The following CACNA2D1 variants were observed in gnomAD, a reference collection of about 807,000 sequenced individuals.
CACNA2D1 encodes the protein voltage-dependent calcium channel subunit alpha-2/delta-1.
A neutral mutation model predicts 171.5 loss-of-function variants in CACNA2D1; 53 were observed. That is an observed-to-expected ratio of 0.31 (90% CI 0.25 to 0.39). CACNA2D1 has a LOEUF of 0.39. CACNA2D1 is among the 10% of genes least tolerant of loss of function. The pLI is 1.00. For synonymous variants in CACNA2D1, 442 were observed against 443.1 expected (o/e 1.00, Z 0.03); for missense variants, 903 against 1,299.8 (o/e 0.69, Z 4.69).
At chr7:82,351,530 T>C (rs554700491) in intron 1 of CACNA2D1, among the ~76,000 whole-genome samples, 4 of 151,874 alleles carry the variant, frequency 2.6e-5, no homozygotes, top group Admixed American at 2.6e-4. Flanking sequence ...CTTTAGCACA[T>C]ATGAAAATAA....
chr7:82,349,415 A>G (rs1331167550), intron 2 of CACNA2D1, among the ~76,000 whole-genome samples, 153 bp downstream of exon 2: 1 of 152,192 alleles, frequency 6.6e-6, no homozygotes, highest in Non-Finnish European at 1.5e-5. Context: ...CACAGTAACT[A>G]GCAGTACCAA....
chr7:82,277,752 T>TTA (rs1234475948), intron 3 of CACNA2D1, among the ~76,000 whole-genome samples: 1 of 147,306 alleles, frequency 6.8e-6, no homozygotes, highest in East Asian at 2.0e-4. Context: ...TTACTTTTAT[T>TTA]TTTTTTTTTT....
intron 4 of CACNA2D1, among the ~76,000 whole-genome samples, chr7:82,154,769 T>C (rs1461900504): frequency 6.6e-6 from 1 of 152,150 alleles, no homozygotes; most frequent in Non-Finnish European, 1.5e-5. Flanking sequence ...CTAGTTGGTC[T>C]TTGTAGAGTC....
intron 4 of CACNA2D1, among the ~76,000 whole-genome samples, chr7:82,146,269 T>C (rs919446698): frequency 7.3e-5 from 11 of 151,168 alleles, no homozygotes. Context: ...ATTCATGACG[T>C]TCACTAAAAG....
chr7:82,115,527 A>G (rs1289140245), intron 6 of CACNA2D1, among the ~76,000 whole-genome samples: 1 of 151,642 alleles, frequency 6.6e-6, no homozygotes, highest in Non-Finnish European at 1.5e-5. Flanking sequence ...CTATATCTAT[A>G]CACACACACA....
intron 5 of CACNA2D1, among the ~76,000 whole-genome samples, chr7:82,121,596 A>G (rs1192614172): frequency 1.3e-5 from 2 of 152,200 alleles, no homozygotes; most frequent in Non-Finnish European, 2.9e-5. Flanking sequence ...ATTTTCTCCT[A>G]TGACTTAGAG....
intron 3 of CACNA2D1, among the ~76,000 whole-genome samples, chr7:82,173,532 T>C (rs540329574): frequency 3.3e-5 from 5 of 152,180 alleles, no homozygotes; most frequent in African/African-American, 1.2e-4. Flanking sequence ...GCAAATTTCA[T>C]GACAAAGCAT....
At position 82,157,518 on chromosome 7, in the gene CACNA2D1, G is replaced by A. The variant is rs575277378; in HGVS notation, c.354+13032C>T. ...GGTTATTAAATTTATGAATCAGAAC[G>A]TCAGAGAAAACCTTGTAAAAATAGA... On this transcript the variant is annotated intron_variant, in intron 4 of 38. Transcript: ENST00000356860. Among the ~76,000 whole-genome samples, 391 of 152,088 alleles carry A rather than the reference G, an allele frequency of 2.6e-3. 1 individual carries two copies. The highest frequency in any genetic ancestry group is 3.5e-3 in the Non-Finnish European group (236 of 67,958).
At chr7:82,406,418 T>C (rs1389592844) in intron 1 of CACNA2D1, among the ~76,000 whole-genome samples, 3 of 152,222 alleles carry the variant, frequency 2.0e-5, no homozygotes, top group Non-Finnish European at 4.4e-5. Context: ...AGTAATGGGA[T>C]GGCTGGGTCA....
intron 4 of CACNA2D1, among the ~76,000 whole-genome samples, chr7:82,161,533 T>C (rs981838682): frequency 2.0e-5 from 3 of 152,014 alleles, no homozygotes; most frequent in Non-Finnish European, 4.4e-5. Context: ...GGAGTTGGAA[T>C]TGACAAAATT....
At chr7:82,211,358 C>G (rs1800531935) in intron 3 of CACNA2D1, among the ~76,000 whole-genome samples, 1 of 152,100 alleles carries the variant, frequency 6.6e-6, no homozygotes, top group South Asian at 2.1e-4. Context: ...TCACCCTTCC[C>G]CCACCCTCCA....
chr7:81,964,088 T>C lies in CACNA2D1; in HGVS notation c.2748A>G (p.Leu916=). 1 of 1,612,254 alleles carries C rather than the reference T, an allele frequency of 6.2e-7. No individual in the cohort carries two copies. Among genetic ancestry groups the C allele is most frequent in the Non-Finnish European group, 8.5e-7 (1 of 1,178,916 alleles). ...SAYVPSVADI[L]QIGWWATAAA... ...CAGCAGTGGCCCACCAGCCAATTTG[T>C]AATATGTCTGCTACTGATGGCTATA... The change falls in exon 34 of 39, where the codon TTA becomes TTG. Residue 916 remains leucine (L), a synonymous_variant. Transcript: ENST00000356860.
At chr7:82,170,963 A>T (rs1188302069) in intron 3 of CACNA2D1, among the ~76,000 whole-genome samples, 1 of 152,048 alleles carries the variant, frequency 6.6e-6, no homozygotes, top group East Asian at 1.9e-4. Context: ...TTTTTAGTAA[A>T]TACCTTTGGA....
chr7:82,164,204 C>A (rs996338923), intron 4 of CACNA2D1, among the ~76,000 whole-genome samples: 7 of 151,912 alleles, frequency 4.6e-5, no homozygotes, highest in Non-Finnish European at 1.0e-4. Context: ...TATCCTAATA[C>A]TACAAGTAAT....
At chr7:82,150,289 A>C (rs77405802) in intron 4 of CACNA2D1, among the ~76,000 whole-genome samples, 31,152 of 139,592 alleles carry the variant, frequency 0.22, 5,183 homozygotes, top group African/African-American at 0.43. Flanking sequence ...CAACAAAAAA[A>C]AACACCCTAG....
chr7:82,090,232 T>A (rs1444225515), intron 6 of CACNA2D1, among the ~76,000 whole-genome samples: 10 of 152,132 alleles, frequency 6.6e-5, no homozygotes, highest in Admixed American at 6.5e-4. Context: ...TTACTCATCT[T>A]TTAAAACTGA....
At chr7:82,219,399 T>C (rs576880357) in intron 3 of CACNA2D1, among the ~76,000 whole-genome samples, 92 of 152,214 alleles carry the variant, frequency 6.0e-4, no homozygotes, top group Admixed American at 2.0e-3. Flanking sequence ...AATGAAGACA[T>C]CATGATCCAT....
intron 18 of CACNA2D1, among the ~76,000 whole-genome samples, chr7:82,001,152 A>G (rs908685356): frequency 6.6e-6 from 1 of 152,094 alleles, no homozygotes; most frequent in African/African-American, 2.4e-5. Context: ...TTACCAGGTA[A>G]TAAAAATTCA....
chr7:82,146,239 C>T (rs10954664), intron 4 of CACNA2D1, among the ~76,000 whole-genome samples: 91,930 of 144,228 alleles, frequency 0.64, 30,225 homozygotes, highest in African/African-American at 0.79. Context: ...AATGGAAATA[C>T]CTCCCTAGAA....
Sources: allele counts gnomAD v4.1 joint callset (sites outside exome capture counted in the v4.1 genomes callset), GRCh38; gene constraint gnomAD v4.1.1; transcripts MANE v1.5; gene names NCBI Gene and HGNC (gene_info 2026-07-23, HGNC 2026-07-21).